Variants in C8B observed in about 807,000 individuals in gnomAD.
The protein encoded by C8B is complement component C8 beta chain.
A neutral mutation model predicts 64.6 loss-of-function variants in C8B; 67 were observed. The ratio of observed to expected loss-of-function variants is 1.04; its 90% CI spans 0.85 to 1.27. C8B has a LOEUF of 1.27. Ranked by LOEUF, C8B falls within the 50% of genes most tolerant of loss-of-function variation. The pLI is 0.00. For missense variants in C8B, 790 were observed against 725.2 expected, an observed-to-expected ratio of 1.09 and a Z score of -1.03; for synonymous variants, 284 against 257.7, an observed-to-expected ratio of 1.10 and a Z score of -0.98.
intron 9 of C8B, among the ~76,000 whole-genome samples, chr1:56,933,844 T>C (rs917059266): frequency 2.0e-5 from 3 of 152,174 alleles, no homozygotes; most frequent in African/African-American, 7.2e-5. Flanking sequence ...CAGAAACTTG[T>C]AGAAAGAAGC....
At chr1:56,956,313 C>T (rs1645102705) in intron 3 of C8B, among the ~76,000 whole-genome samples, 1 of 152,144 alleles carries the variant, frequency 6.6e-6, no homozygotes, top group Non-Finnish European at 1.5e-5. Context: ...TTATAACAGA[C>T]CTGTAAGGTA....
chr1:56,960,271 C>G, intron 1 of C8B, 95 bp from the exon 2 acceptor site: 2 of 1,168,400 alleles, frequency 1.7e-6, no homozygotes, highest in Non-Finnish European at 2.5e-6. Flanking sequence ...TATATATTTG[C>G]TCACTTGTGC....
intron 6 of C8B, among the ~76,000 whole-genome samples, chr1:56,947,064 T>A (rs1644953272): frequency 6.6e-6 from 1 of 152,200 alleles, no homozygotes; most frequent in African/African-American, 2.4e-5. Flanking sequence ...TTAGGTTGCA[T>A]CTCATTTTGT....
chr1:56,956,591 T>C (rs1259224070), intron 3 of C8B, among the ~76,000 whole-genome samples, 178 bp downstream of exon 3: 1 of 152,148 alleles, frequency 6.6e-6, no homozygotes, highest in Non-Finnish European at 1.5e-5. Flanking sequence ...ACCTACATTA[T>C]AAGGTGATTT....
intron 9 of C8B, among the ~76,000 whole-genome samples, chr1:56,936,988 T>G (rs960577586): frequency 1.3e-5 from 2 of 152,204 alleles, no homozygotes; most frequent in African/African-American, 4.8e-5. Flanking sequence ...GCCACAGCAT[T>G]TATATTTTAA....
intron 4 of C8B, 69 bp from the exon 5 acceptor site, chr1:56,952,249 C>T: frequency 6.2e-7 from 1 of 1,603,500 alleles, no homozygotes; most frequent in Non-Finnish European, 8.5e-7. Flanking sequence ...CTGTCAGACC[C>T]TACTGAACGA....
intron 1 of C8B, among the ~76,000 whole-genome samples, chr1:56,964,365 C>T (rs964465288): frequency 4.7e-4 from 71 of 152,306 alleles, no homozygotes; most frequent in African/African-American, 1.7e-3. Flanking sequence ...CATCCCCCAA[C>T]TCTGCCCATG....
rs1489338919 is a variant in C8B at position 56,951,965 on chromosome 1, G to A, written c.666+83C>T. On this transcript the variant is annotated intron_variant, in intron 5 of 11. Transcript: ENST00000371237. ...CTGAAGCTCAAAGAGAAAAGGGCTAGCAGGCTGTCAGGCCGGACCATGGAC... is the reference window on the plus strand; with the variant it reads ...CTGAAGCTCAAAGAGAAAAGGGCTAACAGGCTGTCAGGCCGGACCATGGAC... 8 of 1,555,458 alleles carry A rather than the reference G, an allele frequency of 5.1e-6. No individual in the cohort carries two copies. In the Admixed American group the frequency reaches 1.2e-4, roughly 23 times the overall value.
intron 9 of C8B, among the ~76,000 whole-genome samples, chr1:56,935,798 C>T (rs531151916): frequency 6.6e-6 from 1 of 152,204 alleles, no homozygotes; most frequent in South Asian, 2.1e-4. Flanking sequence ...ACCTGTTAAC[C>T]CTGTGGTCTG....
At chr1:56,947,480 C>T (rs1644958552) in intron 6 of C8B, among the ~76,000 whole-genome samples, 1 of 152,186 alleles carries the variant, frequency 6.6e-6, no homozygotes, top group Non-Finnish European at 1.5e-5. Flanking sequence ...CCGACATATA[C>T]CTACTTACCT....
At chr1:56,945,004 A>T (rs147073174) in intron 7 of C8B, among the ~76,000 whole-genome samples, 2 of 152,234 alleles carry the variant, frequency 1.3e-5, no homozygotes, top group East Asian at 1.9e-4. Flanking sequence ...CAGGGGAGGG[A>T]TGGGGGTGGA....
chr1:56,936,974 T>C (rs147421851), intron 9 of C8B, among the ~76,000 whole-genome samples: 1 of 152,224 alleles, frequency 6.6e-6, no homozygotes, highest in East Asian at 1.9e-4. Flanking sequence ...TCCAGGCATA[T>C]GCTGCCACAG....
intron 2 of C8B, among the ~76,000 whole-genome samples, chr1:56,957,183 T>C (rs1298516295): frequency 6.6e-6 from 1 of 152,182 alleles, no homozygotes; most frequent in Non-Finnish European, 1.5e-5. Context: ...TCTGCAGTGA[T>C]CAGTCAAGAT....
intron 5 of C8B, among the ~76,000 whole-genome samples, chr1:56,950,500 T>C (rs1645004563): frequency 6.6e-6 from 1 of 152,178 alleles, no homozygotes; most frequent in Non-Finnish European, 1.5e-5. Context: ...CTGGGGGCCC[T>C]GGAGTGACCA....
chr1:56,929,822 G>C (rs544992780), intron 11 of C8B, among the ~76,000 whole-genome samples: 1 of 152,126 alleles, frequency 6.6e-6, no homozygotes, highest in African/African-American at 2.4e-5. Context: ...CAGTAAAAGT[G>C]TTATTTCCTC....
Position 56,952,046 on chromosome 1 carries a change from A to G in C8B, c.666+2T>C. The G allele has an allele frequency of 6.2e-7, 1 of 1,613,910 alleles. No homozygotes were observed. The highest frequency in any genetic ancestry group is 8.5e-7 in the Non-Finnish European group (1 of 1,179,986). On this transcript the variant is annotated splice_donor_variant, in intron 5 of 11. Transcript: ENST00000371237. LOFTEE classifies it high-confidence loss of function. Reference sequence around the variant, plus strand: ...CTCCACTGCTACCTGGCTGTCTCTTACCTGTGGCGTGTAGCTTTCCACATT... The same window carrying G: ...CTCCACTGCTACCTGGCTGTCTCTTGCCTGTGGCGTGTAGCTTTCCACATT...
intron 11 of C8B, among the ~76,000 whole-genome samples, chr1:56,930,759 T>C (rs1199611068): frequency 6.6e-6 from 1 of 152,180 alleles, no homozygotes; most frequent in Non-Finnish European, 1.5e-5. Context: ...CATGGGGTTG[T>C]TGTGAGGATT....
intron 1 of C8B, 52 bp from the exon 2 acceptor site, chr1:56,960,228 T>G (rs1316173192): frequency 3.3e-6 from 5 of 1,507,622 alleles, no homozygotes; most frequent in Non-Finnish European, 3.7e-6. Flanking sequence ...GAATTAAGTA[T>G]ACATCCAACC....
chr1:56,950,005 G>A (rs1557737249), intron 5 of C8B, among the ~76,000 whole-genome samples: 1 of 152,222 alleles, frequency 6.6e-6, no homozygotes, highest in Non-Finnish European at 1.5e-5. Context: ...CAAAAATGCA[G>A]GGGAACATTC....
Sources: gnomAD v4.1 joint callset for allele counts (sites outside exome capture counted in the v4.1 genomes callset) on GRCh38, gnomAD v4.1.1 for gene constraint, MANE v1.5 for transcripts, NCBI Gene and HGNC (gene_info 2026-07-23, HGNC 2026-07-21) for gene names.